The following LRP1B variants were observed in gnomAD, a reference collection of about 807,000 sequenced individuals.
LRP1B encodes LDL receptor related protein 1B.
In LRP1B, 217 loss-of-function variants were observed where a neutral mutation model predicts 556.6. The observed-to-expected ratio is 0.39, with a 90% CI of 0.35 to 0.44. LRP1B has a LOEUF of 0.44. Among genes scored for constraint, LRP1B ranks in the 20% least tolerant of loss-of-function variants. The pLI, the probability that LRP1B is intolerant of heterozygous loss-of-function variation, is 1.00. For missense variants in LRP1B, 5,053 were observed against 5,620.8 expected (o/e 0.90, Z 3.23); for synonymous variants, 2,047 against 1,865.8 (o/e 1.10, Z -2.50).
chr2:140,541,783 A>G lies in LRP1B; in HGVS notation c.7383T>C (p.Asn2461=), dbSNP rs373513777. 69 of 1,609,188 alleles carry G rather than the reference A, an allele frequency of 4.3e-5. No homozygotes were observed. The highest frequency in any genetic ancestry group is 5.8e-5 in the Non-Finnish European group (68 of 1,176,610). ...MGIIAVANDT[N]SCELSPCALL... ...TTGCTTTCTATTATAACTTACAGCT[A>G]TTGGTGTCATTGGCAACAGCTATGA... Residue 2461 remains asparagine, a synonymous_variant, in exon 44 of 91, where the codon AAT becomes AAC. Transcript: ENST00000389484.
chr2:140,552,644 C>T (rs1164925018), intron 43 of LRP1B, among the ~76,000 whole-genome samples: 1 of 152,128 alleles, frequency 6.6e-6, no homozygotes, highest in Non-Finnish European at 1.5e-5. Flanking sequence ...TAGTCAGAGT[C>T]TTTATGTAGA....
intron 2 of LRP1B, among the ~76,000 whole-genome samples, chr2:141,734,194 T>C (rs1303326758): frequency 6.6e-6 from 1 of 152,086 alleles, no homozygotes; most frequent in Non-Finnish European, 1.5e-5. Context: ...CTAGATTATC[T>C]TGGAGGAGAA....
intron 1 of LRP1B, among the ~76,000 whole-genome samples, chr2:141,943,830 T>C (rs1051472238): frequency 6.6e-6 from 1 of 151,504 alleles, no homozygotes; most frequent in African/African-American, 2.4e-5. Context: ...CGGGTTCTTG[T>C]CACACGACCA....
intron 3 of LRP1B, among the ~76,000 whole-genome samples, chr2:141,283,845 A>G (rs1406560092): frequency 2.6e-5 from 4 of 151,930 alleles, no homozygotes; most frequent in East Asian, 3.9e-4. Flanking sequence ...AAAAAGAATG[A>G]CACTTGTCAT....
intron 41 of LRP1B, among the ~76,000 whole-genome samples, chr2:140,611,636 T>C (rs1683076672): frequency 6.6e-6 from 1 of 152,070 alleles, no homozygotes; most frequent in Non-Finnish European, 1.5e-5. Context: ...AATAGAAACA[T>C]TTAATTTCCA....
chr2:140,386,038 T>C (rs2105199096), intron 66 of LRP1B, 29 bp from the exon 67 acceptor site: 1 of 1,406,650 alleles, frequency 7.1e-7, no homozygotes, highest in Non-Finnish European at 1.0e-6. Flanking sequence ...GAGTTTGCAT[T>C]GTAGATTTCC....
In LRP1B at chr2:140,509,971, C is replaced by T. The variant is rs1489887087; in HGVS notation, c.8355G>A (p.Arg2785=). The T allele has an allele frequency of 4.3e-6, 7 of 1,613,856 alleles. No individual in the cohort carries two copies. The highest frequency in any genetic ancestry group is 5.9e-6 in the Non-Finnish European group (7 of 1,180,024). Residue 2785 remains arginine (R), a synonymous_variant, in exon 52 of 91, where the codon AGG becomes AGA. Transcript: ENST00000389484. The part of the protein sequence containing the change: ...VPRHWLCDGE[R]DCPDGSDELS... Reference sequence around the variant, plus strand: ...GCTCATCGCTTCCATCTGGACAGTCCCTTTCACCATCACAAAGCCAATGTC... The same window carrying T: ...GCTCATCGCTTCCATCTGGACAGTCTCTTTCACCATCACAAAGCCAATGTC...
At chr2:141,342,765 A>T (rs2714222) in intron 3 of LRP1B, among the ~76,000 whole-genome samples, 1 of 151,850 alleles carries the variant, frequency 6.6e-6, no homozygotes. Flanking sequence ...CCTGAAAGTG[A>T]CAGGGAGAAT....
chr2:141,994,054 A>G (rs902351956), intron 1 of LRP1B, among the ~76,000 whole-genome samples: 2 of 152,106 alleles, frequency 1.3e-5, no homozygotes, highest in African/African-American at 4.8e-5. Context: ...AACACCCAAA[A>G]TTTCTTTATT....
rs1261015781 is a variant in LRP1B at position 141,215,237 on chromosome 2, T to C, written c.850+13946A>G. Among the ~76,000 whole-genome samples, 32 of 152,180 alleles carry C rather than the reference T, an allele frequency of 2.1e-4. 1 individual carries two copies. Among genetic ancestry groups the C allele is most frequent in the Admixed American group, 2.1e-3 (32 of 15,280 alleles). Reference sequence around the variant, plus strand: ...CCTGCTCCTCCTTCAACTACAGCCATGATTGCAACCTTCCTGAGACCTCCC... The same window carrying C: ...CCTGCTCCTCCTTCAACTACAGCCACGATTGCAACCTTCCTGAGACCTCCC... On this transcript the variant is annotated intron_variant, in intron 6 of 90. Transcript: ENST00000389484.
Position 140,969,313 on chromosome 2 carries a change from GT to G in LRP1B, c.2887+12846del, listed in dbSNP as rs560823180. On this transcript the variant is annotated intron_variant, in intron 18 of 90. Transcript: ENST00000389484. ...CCTTCGTCTCTTTTGATCTTTGTTG[GT>G]TTAAAGTCTGTTTTATCAGAGACTA... Among the ~76,000 whole-genome samples, 25 of 152,134 alleles carry G rather than the reference GT, an allele frequency of 1.6e-4. No individual in the cohort carries two copies. In the South Asian group the frequency reaches 2.7e-3, roughly 16 times the overall value.
chr2:141,761,664 C>G (rs1694552817), intron 2 of LRP1B, among the ~76,000 whole-genome samples: 1 of 151,984 alleles, frequency 6.6e-6, no homozygotes, highest in African/African-American at 2.4e-5. Flanking sequence ...CATCTCAATC[C>G]TTGGAATCTG....
chr2:141,591,345 T>TG lies in LRP1B; in HGVS notation c.206-110813_206-110812insC, dbSNP rs1376390999. Among the ~76,000 whole-genome samples, 95 of 63,944 alleles carry TG rather than the reference T, an allele frequency of 1.5e-3. No individual in the cohort carries two copies. The South Asian group carries it at 0.018, about 12-fold the overall frequency. 41.9% of individuals were successfully genotyped at this position (63,944 alleles called of 152,430 possible). A position where few individuals can be genotyped will look rare whatever the true frequency, so the allele number is the denominator to read the frequency against. ...AGACTTGGTTTTAGTACTGGTTTTT[T>TG]TTTGTTGTTGTTTGTTTGTTTTTTT... On this transcript the variant is annotated intron_variant, in intron 2 of 90. Coordinates refer to ENST00000389484, the MANE Select transcript of LRP1B (RefSeq NM_018557.3).
chr2:141,981,448 C>T (rs1045567997), intron 1 of LRP1B, among the ~76,000 whole-genome samples: 1 of 152,028 alleles, frequency 6.6e-6, no homozygotes, highest in East Asian at 1.9e-4. Flanking sequence ...AAATATGAGG[C>T]ACAAGAGAGA....
intron 11 of LRP1B, among the ~76,000 whole-genome samples, chr2:141,026,850 A>G (rs1035455184): frequency 3.3e-5 from 5 of 152,120 alleles, no homozygotes; most frequent in Non-Finnish European, 5.9e-5. Flanking sequence ...TAGGAATAAA[A>G]GAAGCTACAA....
intron 25 of LRP1B, among the ~76,000 whole-genome samples, chr2:140,876,335 T>C (rs1693304238): frequency 1.3e-5 from 2 of 152,210 alleles, no homozygotes; most frequent in South Asian, 4.1e-4. Flanking sequence ...TTTGTTTCTC[T>C]CTACCTGATT....
intron 1 of LRP1B, among the ~76,000 whole-genome samples, chr2:142,073,286 AG>A (rs1705389358): frequency 1.3e-5 from 2 of 152,044 alleles, no homozygotes; most frequent in Admixed American, 6.6e-5. Context: ...GTTTGAATAA[AG>A]GTATACTCCT....
intron 6 of LRP1B, among the ~76,000 whole-genome samples, chr2:141,200,626 TACATACAC>T (rs1277101116): frequency 6.6e-6 from 1 of 152,090 alleles, no homozygotes; most frequent in East Asian, 1.9e-4. Context: ...TACACACACA[TACATACAC>T]GCATACACAC....
At chr2:141,660,607 A>T (rs1690178835) in intron 2 of LRP1B, among the ~76,000 whole-genome samples, 1 of 151,936 alleles carries the variant, frequency 6.6e-6, no homozygotes, top group Non-Finnish European at 1.5e-5. Flanking sequence ...ATCCCTTCTC[A>T]CTGGGAAGGG....
Sources: allele counts gnomAD v4.1 joint callset (sites outside exome capture counted in the v4.1 genomes callset), GRCh38; gene constraint gnomAD v4.1.1; transcripts MANE v1.5; gene names NCBI Gene and HGNC (gene_info 2026-07-23, HGNC 2026-07-21).